NUP153: variants seen among roughly 807,000 people sequenced by gnomAD.
NUP153 encodes the protein nuclear pore complex protein Nup153.
NUP153 carries 27 observed loss-of-function variants against 134.6 expected under a neutral mutation model. That is an observed-to-expected ratio of 0.20 (90% confidence interval 0.15 to 0.28). NUP153 has a LOEUF of 0.28. Among genes scored for constraint, NUP153 ranks in the 10% least tolerant of loss-of-function variants. The pLI, the probability that NUP153 is intolerant of heterozygous loss-of-function variation, is 1.00. For missense variants in NUP153, 1,821 were observed against 1,731.3 expected (o/e 1.05, Z -0.92); for synonymous variants, 640 against 623.5 (o/e 1.03, Z -0.40).
At chr6:17,663,256 CACACAT>C (rs888673198) in intron 9 of NUP153, among the ~76,000 whole-genome samples, 28 of 119,926 alleles carry the variant, frequency 2.3e-4, no homozygotes, top group Admixed American at 1.1e-3. Flanking sequence ...CACACACACA[CACACAT>C]ATATATATAT....
chr6:17,672,439 G>A (rs1205328830), intron 5 of NUP153, among the ~76,000 whole-genome samples: 2 of 152,168 alleles, frequency 1.3e-5, no homozygotes, highest in East Asian at 3.9e-4. Flanking sequence ...AGCTGGGAAT[G>A]GTGGCACACG....
chr6:17,653,489 T>A (rs574736846), intron 11 of NUP153, among the ~76,000 whole-genome samples: 1 of 152,236 alleles, frequency 6.6e-6, no homozygotes, highest in South Asian at 2.1e-4. Flanking sequence ...ATGGCACACT[T>A]TAGAAAACAG....
chr6:17,626,081 C>T lies in NUP153; in HGVS notation c.3628G>A (p.Gly1210Ser), dbSNP rs747062298. The T allele has an allele frequency of 2.5e-6, 4 of 1,613,866 alleles. No individual in the cohort carries two copies. The highest frequency in any genetic ancestry group is 1.3e-5 in the African/African-American group (1 of 74,932). Residue 1210 changes from glycine (G) to serine (S), a missense_variant, in exon 19 of 22, where the codon GGC (glycine) becomes AGC (serine). Physicochemically the swap from Gly to Ser is moderately conservative, Grantham distance 56 (BLOSUM62 0). Transcript: ENST00000262077. Reference protein sequence around the residue: ...SSTPATSAGGGIFGSSTSSSN... With the variant: ...SSTPATSAGGSIFGSSTSSSN... ...GAAGAGGTGGAACTACCAAATATGCCACCACCAGCAGAAGTGGCTGGTGTA... is the reference window on the plus strand; with the variant it reads ...GAAGAGGTGGAACTACCAAATATGCTACCACCAGCAGAAGTGGCTGGTGTA...
Position 17,706,331 on chromosome 6 carries a change from C to A in NUP153, c.57G>T (p.Arg19=), listed in dbSNP as rs762188635. 6.2e-7 allele frequency: 1 copy of A among 1,613,484 alleles called. No homozygotes were observed. The highest frequency in any genetic ancestry group is 2.2e-5 in the East Asian group (1 of 44,854). ...GCTTAATTGGCCCCTGGTGGCAACGCCGCGTCCGGATCTTGCCGCCACCGC... is the reference window on the plus strand; with the variant it reads ...GCTTAATTGGCCCCTGGTGGCAACGACGCGTCCGGATCTTGCCGCCACCGC... ...GGGGGGKIRT[R]RCHQGPIKPY... Residue 19 remains arginine (R), a synonymous_variant, in exon 1 of 22, where the codon CGG becomes CGT. Transcript: ENST00000262077. This position sits in a 1 kb window ranked among gnomAD's most constrained non-coding sequence, Gnocchi z 5.9.
rs781217512 is a variant in NUP153 at position 17,668,998 on chromosome 6, C to G, written c.1045G>C (p.Asp349His). The part of the protein sequence containing the change: ...PLDRSGIDIT[D>H]FQAKREKVDS... ...ACCTTTTCTCTTTTGGCCTGAAAAT[C>G]TGTGATATCTATCCCACTCCTATCA... is the stretch of plus-strand genomic sequence containing the variant. Residue 349 changes from aspartate (D) to histidine (H), a missense_variant, in exon 8 of 22, where the codon GAT becomes CAT. Transcript: ENST00000262077. 4 of 1,524,872 alleles carry G rather than the reference C, an allele frequency of 2.6e-6. No individual in the cohort carries two copies. Among genetic ancestry groups the G allele is most frequent in the Admixed American group, 4.7e-5 (2 of 42,448 alleles). The allele number at this position is 1,524,872 out of a possible 1,614,324, so 94.5% of individuals were successfully genotyped here. A position where few individuals can be genotyped will look rare whatever the true frequency, so the allele number is the denominator to read the frequency against.
chr6:17,703,360 TG>T (rs1362766749), intron 1 of NUP153, among the ~76,000 whole-genome samples: 1 of 152,166 alleles, frequency 6.6e-6, no homozygotes, highest in Non-Finnish European at 1.5e-5. Flanking sequence ...CTAGCCAAGT[TG>T]CCCTGACAGG....
intron 5 of NUP153, among the ~76,000 whole-genome samples, chr6:17,672,829 A>C (rs1767998141): frequency 6.6e-6 from 1 of 152,160 alleles, no homozygotes; most frequent in South Asian, 2.1e-4. Context: ...TTTTAAAAAA[A>C]CTTTTTAATT....
rs115521311 is a variant in NUP153 at position 17,670,507 on chromosome 6, C to A, written c.853-961G>T. On this transcript the variant is annotated intron_variant, in intron 5 of 21. Coordinates refer to ENST00000262077, the MANE Select transcript of NUP153 (RefSeq NM_005124.4). ...CAGTAAAAATATTACAGGAATAATA[C>A]CCTTTCCAATCTGCATGCATTGATT... Among the ~76,000 whole-genome samples the A allele has an allele frequency of 9.0e-3, 1,368 of 152,146 alleles. 10 individuals carry two copies. Among genetic ancestry groups the A allele is most frequent in the Non-Finnish European group, 0.014 (935 of 68,012 alleles).
At chr6:17,652,920 T>C (rs1345771054) in intron 11 of NUP153, among the ~76,000 whole-genome samples, 2 of 151,822 alleles carry the variant, frequency 1.3e-5, no homozygotes, top group East Asian at 1.9e-4. Context: ...TCCCAGCTAC[T>C]AGGGAGACTG....
intron 21 of NUP153, 63 bp downstream of exon 21, chr6:17,616,464 A>C: frequency 7.0e-7 from 1 of 1,423,204 alleles, no homozygotes; most frequent in Non-Finnish European, 9.5e-7. Context: ...TTAAAAACAA[A>C]ACATATACAT....
intron 5 of NUP153, among the ~76,000 whole-genome samples, chr6:17,673,924 C>A (rs780901352): frequency 2.0e-5 from 3 of 152,132 alleles, no homozygotes; most frequent in Non-Finnish European, 4.4e-5. Flanking sequence ...TTCATAATTG[C>A]CAGAAACTGG....
At position 17,649,096 on chromosome 6, in the gene NUP153, G is replaced by A. The variant is rs1472497620; in HGVS notation, c.1533+67C>T. 4.4e-6 allele frequency: 6 copies of A among 1,350,994 alleles called. No homozygotes were observed. In the East Asian group the frequency reaches 9.8e-5, roughly 22 times the overall value. 83.7% of individuals were successfully genotyped at this position (1,350,994 alleles called of 1,614,324 possible). A position where few individuals can be genotyped will look rare whatever the true frequency, so the allele number is the denominator to read the frequency against. On this transcript the variant is annotated intron_variant, in intron 12 of 21. Coordinates refer to ENST00000262077, the MANE Select transcript of NUP153 (RefSeq NM_005124.4). ...AAAATTAAACACTGTTTATAATATA[G>A]GGTTTTTTTTAAATAAAGAATTAAG...
chr6:17,698,856 G>C (rs1261194533), intron 1 of NUP153, among the ~76,000 whole-genome samples: 1 of 150,042 alleles, frequency 6.7e-6, no homozygotes, highest in Non-Finnish European at 1.5e-5. Flanking sequence ...CTGGGCAACA[G>C]AGTGACACTG....
intron 20 of NUP153, among the ~76,000 whole-genome samples, chr6:17,620,603 C>A (rs1764599607): frequency 1.3e-5 from 2 of 152,232 alleles, no homozygotes; most frequent in Admixed American, 1.3e-4. Context: ...AACCGAGAGG[C>A]CACATGTAGC....
Position 17,669,032 on chromosome 6 carries a change from A to T in NUP153, c.1015-4T>A. Reference sequence around the variant, plus strand: ...CTATCCCACTCCTATCAAGAGGCTGAAAAAAAAAAAAAACACTATTAGAAT... The same window carrying T: ...CTATCCCACTCCTATCAAGAGGCTGTAAAAAAAAAAAAACACTATTAGAAT... On this transcript the variant is annotated splice_polypyrimidine_tract_variant and splice_region_variant and intron_variant, in intron 7 of 21. Transcript: ENST00000262077. The T allele has an allele frequency of 1.6e-6, 1 of 612,562 alleles. No homozygotes were observed. The highest frequency in any genetic ancestry group is 2.1e-6 in the Non-Finnish European group (1 of 479,186). 37.9% of individuals were successfully genotyped at this position (612,562 alleles called of 1,614,324 possible). A position where few individuals can be genotyped will look rare whatever the true frequency, so the allele number is the denominator to read the frequency against.
intron 1 of NUP153, among the ~76,000 whole-genome samples, chr6:17,702,654 C>G (rs1037675805): frequency 1.3e-5 from 2 of 151,758 alleles, no homozygotes; most frequent in Non-Finnish European, 2.9e-5. Flanking sequence ...CCAGCCTGGG[C>G]AACAGATGCA....
intron 14 of NUP153, among the ~76,000 whole-genome samples, chr6:17,644,049 A>G (rs1766002668): frequency 6.6e-6 from 1 of 152,150 alleles, no homozygotes; most frequent in African/African-American, 2.4e-5. Context: ...GTGTTAGCCA[A>G]TTAAAAAAAA....
chr6:17,669,221 G>A (rs1767743547), intron 7 of NUP153, 72 bp downstream of exon 7: 5 of 1,309,988 alleles, frequency 3.8e-6, no homozygotes, highest in Non-Finnish European at 4.4e-6. Flanking sequence ...TGGGACTACA[G>A]GTGTGCACCA....
chr6:17,700,595 T>G (rs1418274200), intron 1 of NUP153, among the ~76,000 whole-genome samples: 1 of 152,172 alleles, frequency 6.6e-6, no homozygotes, highest in Non-Finnish European at 1.5e-5. Flanking sequence ...ATATCCCTCC[T>G]TTTCAAATCT....
Sources: allele counts gnomAD v4.1 joint callset (sites outside exome capture counted in the v4.1 genomes callset), GRCh38; gene constraint gnomAD v4.1.1; non-coding constraint Gnocchi (gnomAD v3.1); transcripts MANE v1.5; gene names NCBI Gene and HGNC (gene_info 2026-07-23, HGNC 2026-07-21).